MAP4K4: variants seen among roughly 807,000 people sequenced by gnomAD.
MAP4K4 encodes the protein HPK/GCK-like kinase HGK.
In MAP4K4, 38 loss-of-function variants were observed where a neutral mutation model predicts 189.6. The observed-to-expected ratio is 0.20, with a 90% CI of 0.15 to 0.26. The LOEUF is 0.26. MAP4K4 is among the 10% of genes least tolerant of loss of function. The pLI is 1.00. For synonymous variants in MAP4K4, 610 were observed against 624.3 expected, an observed-to-expected ratio of 0.98 and a Z score of 0.34; for missense variants, 1,054 against 1,726.9, an observed-to-expected ratio of 0.61 and a Z score of 6.91.
At chr2:101,855,857 A>C in intron 12 of MAP4K4, 120 bp from the exon 13 acceptor site, 21 of 855,822 alleles carry the variant, frequency 2.5e-5, no homozygotes, top group Non-Finnish European at 3.4e-5. Flanking sequence ...GCCAGTAGAT[A>C]TGGGGCCCAT....
At chr2:101,856,767 T>A (rs2149790257) in intron 13 of MAP4K4, among the ~76,000 whole-genome samples, 1 of 152,376 alleles carries the variant, frequency 6.6e-6, no homozygotes, top group African/African-American at 2.4e-5. Context: ...CCTTTGCCTT[T>A]CTTGTCTTTG....
At chr2:101,746,132 G>A (rs1476474446) in intron 2 of MAP4K4, among the ~76,000 whole-genome samples, 5 of 151,958 alleles carry the variant, frequency 3.3e-5, no homozygotes, top group African/African-American at 1.2e-4. Context: ...TGGGACCGCA[G>A]GTGCATACCA....
chr2:101,816,433 T>TAGGA (rs2095719828), intron 3 of MAP4K4, among the ~76,000 whole-genome samples: 1 of 152,214 alleles, frequency 6.6e-6, no homozygotes, highest in Non-Finnish European at 1.5e-5. Flanking sequence ...TTGTTGCCAT[T>TAGGA]CCTTTCTTGG....
chr2:101,828,729 A>G (rs1487968834), intron 5 of MAP4K4, among the ~76,000 whole-genome samples: 2 of 152,328 alleles, frequency 1.3e-5, no homozygotes, highest in Non-Finnish European at 2.9e-5. Flanking sequence ...TTGTATCTTA[A>G]GGAGGCGAGC....
At chr2:101,871,378 C>T (rs2098015911) in intron 23 of MAP4K4, 116 bp from the exon 24 acceptor site, 2 of 806,250 alleles carry the variant, frequency 2.5e-6, no homozygotes, top group Admixed American at 3.0e-5. Context: ...TTTGGTTTTT[C>T]CTTGGTAATT....
chr2:101,723,984 T>A (rs1390561557), intron 2 of MAP4K4, among the ~76,000 whole-genome samples: 1 of 152,202 alleles, frequency 6.6e-6, no homozygotes, highest in East Asian at 1.9e-4. Context: ...CCCTGTAACT[T>A]CTGCTCTAGT....
intron 3 of MAP4K4, among the ~76,000 whole-genome samples, chr2:101,800,356 C>T (rs2094246798): frequency 6.6e-6 from 1 of 152,118 alleles, no homozygotes. Context: ...CCTTGGCTTC[C>T]CAAAGTGGTG....
intron 28 of MAP4K4, 97 bp from the exon 29 acceptor site, chr2:101,885,090 A>T: frequency 1.9e-6 from 1 of 532,342 alleles, no homozygotes; most frequent in Non-Finnish European, 3.4e-6. Flanking sequence ...AATAGAAGGC[A>T]TATTTATAAA....
In MAP4K4 at chr2:101,892,288, T is replaced by C. The variant is rs200224526; in HGVS notation, c.*1039T>C. The C allele has an allele frequency of 3.9e-5, 6 of 152,982 alleles. No homozygotes were observed. In the East Asian group the frequency reaches 9.4e-4, roughly 24 times the overall value. 9.5% of individuals were successfully genotyped at this position (152,982 alleles called of 1,614,324 possible). A position where few individuals can be genotyped will look rare whatever the true frequency, so the allele number is the denominator to read the frequency against. Reference sequence around the variant, plus strand: ...AAGAAACCATTAATGTTTAATTTAATCTTAATACCAAAACGACCAGATTGA... The same window carrying C: ...AAGAAACCATTAATGTTTAATTTAACCTTAATACCAAAACGACCAGATTGA... On this transcript the variant is annotated 3_prime_UTR_variant, in exon 33 of 33. Transcript: ENST00000324219.
chr2:101,823,263 T>TA (rs1172865427), intron 3 of MAP4K4, among the ~76,000 whole-genome samples: 1 of 152,204 alleles, frequency 6.6e-6, no homozygotes, highest in Non-Finnish European at 1.5e-5. Flanking sequence ...CTGCTCATCT[T>TA]ATTTCAATAA....
chr2:101,730,340 C>T (rs570194896), intron 2 of MAP4K4, among the ~76,000 whole-genome samples: 26 of 152,278 alleles, frequency 1.7e-4, no homozygotes, highest in African/African-American at 4.8e-4. Context: ...CAGCTCCCCA[C>T]GACTGGAAAC....
intron 13 of MAP4K4, among the ~76,000 whole-genome samples, chr2:101,857,005 T>G (rs1193734507): frequency 6.6e-6 from 1 of 152,240 alleles, no homozygotes; most frequent in African/African-American, 2.4e-5. Context: ...GCTTTTTATG[T>G]TACCTAATTG....
intron 2 of MAP4K4, among the ~76,000 whole-genome samples, chr2:101,774,351 ATG>A (rs2082930295): frequency 1.3e-5 from 2 of 152,176 alleles, no homozygotes; most frequent in Non-Finnish European, 2.9e-5. Flanking sequence ...TGCCATTTGT[ATG>A]TCTTCTTTTG....
intron 2 of MAP4K4, among the ~76,000 whole-genome samples, chr2:101,733,594 C>T (rs894496084): frequency 8.5e-5 from 13 of 152,138 alleles, no homozygotes; most frequent in African/African-American, 3.1e-4. Context: ...TTGTCAGCTC[C>T]CTGAGGCTCT....
chr2:101,810,382 G>A (rs919887100), intron 3 of MAP4K4, among the ~76,000 whole-genome samples: 1 of 151,832 alleles, frequency 6.6e-6, no homozygotes, highest in African/African-American at 2.4e-5. Context: ...TATATATTAT[G>A]AATTTATGTT....
chr2:101,818,862 TAA>T (rs2095869598), intron 3 of MAP4K4, among the ~76,000 whole-genome samples: 1 of 152,236 alleles, frequency 6.6e-6, no homozygotes, highest in South Asian at 2.1e-4. Context: ...TCAGCTGCAT[TAA>T]ATCACTAAGT....
intron 32 of MAP4K4, among the ~76,000 whole-genome samples, chr2:101,889,652 C>T (rs898414595): frequency 6.6e-5 from 10 of 152,152 alleles, no homozygotes; most frequent in African/African-American, 1.9e-4. Context: ...CCCTTTCTTT[C>T]TTCTGCCCAG....
At chr2:101,887,434 A>G (rs752883198) in intron 30 of MAP4K4, among the ~76,000 whole-genome samples, 197 bp downstream of exon 30, 2 of 152,188 alleles carry the variant, frequency 1.3e-5, no homozygotes, top group Non-Finnish European at 2.9e-5. Context: ...GGCTCTGTGG[A>G]GCCCTTGTGA....
chr2:101,776,787 A>G (rs541768559), intron 2 of MAP4K4, among the ~76,000 whole-genome samples: 2 of 152,108 alleles, frequency 1.3e-5, no homozygotes, highest in Non-Finnish European at 2.9e-5. Flanking sequence ...CACAGAGGCT[A>G]TTTTTAATAT....
Sources: allele counts gnomAD v4.1 joint callset (sites outside exome capture counted in the v4.1 genomes callset), GRCh38; gene constraint gnomAD v4.1.1; transcripts MANE v1.5; gene names NCBI Gene and HGNC (gene_info 2026-07-23, HGNC 2026-07-21).